The following CCND2 variants were observed in gnomAD, a reference collection of about 807,000 sequenced individuals.
CCND2 encodes the protein cyclin D2, also known as G1/S-specific cyclin-D2.
In CCND2, 6 loss-of-function variants were observed where a neutral mutation model predicts 30.2. The ratio of observed to expected loss-of-function variants is 0.20; its 90% CI spans 0.11 to 0.39. CCND2 has a LOEUF of 0.39. Ranked by LOEUF, CCND2 falls within the 10% of genes least tolerant of loss-of-function variation. CCND2 has a pLI of 1.00. For synonymous variants in CCND2, 150 were observed against 153.1 expected, an observed-to-expected ratio of 0.98 and a Z score of 0.15; for missense variants, 235 against 373.4, an observed-to-expected ratio of 0.63 and a Z score of 3.06.
rs2120557116 is a variant in CCND2, at chr12:4,287,668, A to T, written c.572-1174A>T. On this transcript the variant is annotated intron_variant, in intron 3 of 4. Transcript: ENST00000261254. This position sits in a 1 kb window ranked among gnomAD's most constrained non-coding sequence, Gnocchi z 4.0. ...CAAAAGTCTCAGGGTTCTCACCCAT[A>T]CCATTAGGGTGACGCTCGTGTGCAT... 6.6e-6 allele frequency among the ~76,000 whole-genome samples: 1 copy of T among 152,320 alleles called. No individual in the cohort carries two copies. The highest frequency in any genetic ancestry group is 2.1e-4 in the South Asian group (1 of 4,826).
rs1293589225 is a variant in CCND2 at position 4,287,058 on chromosome 12, G to A, written c.572-1784G>A. ...GACCTACAGCAGAGCAAGAGGCAGG[G>A]AGGCTGGCTTTGTCACACTGTTCAT... On this transcript the variant is annotated intron_variant, in intron 3 of 4. Coordinates refer to ENST00000261254, the MANE Select transcript of CCND2 (RefSeq NM_001759.4). The surrounding 1 kb of genome is among the most constrained non-coding windows in gnomAD (Gnocchi z 4.0). Among the ~76,000 whole-genome samples the A allele has an allele frequency of 6.6e-6, 1 of 152,252 alleles. No homozygotes were observed. Among genetic ancestry groups the A allele is most frequent in the Non-Finnish European group, 1.5e-5 (1 of 68,036 alleles).
Position 4,300,391 on chromosome 12 carries a change from C to G in CCND2, c.*382C>G, listed in dbSNP as rs1390104410. On this transcript the variant is annotated 3_prime_UTR_variant, in exon 5 of 5. Coordinates refer to ENST00000261254, the MANE Select transcript of CCND2 (RefSeq NM_001759.4). ...ATGTTATGAGCTAGCACATACACCC[C>G]CTTGTAGTATAATTTCAAGGAACTG... 2.8e-5 allele frequency: 7 copies of G among 246,628 alleles called. No individual in the cohort carries two copies. Among genetic ancestry groups the G allele is most frequent in the Non-Finnish European group, 4.8e-5 (6 of 125,980 alleles). 15.3% of individuals were successfully genotyped at this position (246,628 alleles called of 1,614,324 possible). A position where few individuals can be genotyped will look rare whatever the true frequency, so the allele number is the denominator to read the frequency against.
Position 4,285,264 on chromosome 12 carries a change from C to G in CCND2, c.572-3578C>G. On this transcript the variant is annotated intron_variant, in intron 3 of 4. Transcript: ENST00000261254. This position sits in a 1 kb window ranked among gnomAD's most constrained non-coding sequence, Gnocchi z 4.1. ...TCGCTGATCGGTTCATTGCCTCTCTCTCTGCTGCAGGAGGAAGGATCTCAG... is the reference window on the plus strand; with the variant it reads ...TCGCTGATCGGTTCATTGCCTCTCTGTCTGCTGCAGGAGGAAGGATCTCAG... 1 of 985,178 alleles carries G rather than the reference C, an allele frequency of 1.0e-6. No homozygotes were observed. The highest frequency in any genetic ancestry group is 1.2e-6 in the Non-Finnish European group (1 of 829,714). The allele number at this position is 985,178 out of a possible 1,614,324, so 61.0% of individuals were successfully genotyped here. A position where few individuals can be genotyped will look rare whatever the true frequency, so the allele number is the denominator to read the frequency against.
Position 4,303,221 on chromosome 12 carries a change from G to A in CCND2, c.*3212G>A, listed in dbSNP as rs371955525. The A allele has an allele frequency of 2.6e-5, 6 of 233,290 alleles. No homozygotes were observed. The East Asian group carries it at 3.6e-4, about 14-fold the overall frequency. 14.5% of individuals were successfully genotyped at this position (233,290 alleles called of 1,614,324 possible). On this transcript the variant is annotated 3_prime_UTR_variant, in exon 5 of 5. Transcript: ENST00000261254. This position sits in a 1 kb window ranked among gnomAD's most constrained non-coding sequence, Gnocchi z 4.6. Reference sequence around the variant, plus strand: ...CTAGCTTTTCTCTTTCCCATCCTTGGGGCCTTGTGTGATGATGGGTGTGGG... The same window carrying A: ...CTAGCTTTTCTCTTTCCCATCCTTGAGGCCTTGTGTGATGATGGGTGTGGG...
intron 4 of CCND2, among the ~76,000 whole-genome samples, chr12:4,291,259 T>C (rs1386117829): frequency 1.8e-5 from 2 of 114,000 alleles, no homozygotes; most frequent in Admixed American, 1.1e-4. Flanking sequence ...AAGTGCTAAA[T>C]CTCCTCCCAT....
chr12:4,280,033 A>C (rs891766251), intron 3 of CCND2, among the ~76,000 whole-genome samples: 2 of 151,454 alleles, frequency 1.3e-5, no homozygotes, highest in Admixed American at 1.3e-4. Flanking sequence ...GCTTTGCTGC[A>C]TATCAGTGAG....
chr12:4,295,725 C>T (rs3217900), intron 4 of CCND2, among the ~76,000 whole-genome samples: 75 of 152,220 alleles, frequency 4.9e-4, no homozygotes, highest in Non-Finnish European at 4.9e-4. Flanking sequence ...TGCAGTGAGC[C>T]GAGATCGCAC....
chr12:4,278,798 C>T lies in CCND2; in HGVS notation c.450C>T (p.Asn150=), dbSNP rs140100329. The change falls in exon 3 of 5, where the codon AAC becomes AAT. Residue 150 remains asparagine (N), a synonymous_variant. Coordinates refer to ENST00000261254, the MANE Select transcript of CCND2 (RefSeq NM_001759.4). ...ELVVLGKLKW[N]LAAVTPHDFI... is the part of the protein sequence containing the mutation. ...TGGTGCTGGGGAAGTTGAAGTGGAACCTGGCAGCTGTCACTCCTCATGACT... is the reference window on the plus strand; with the variant it reads ...TGGTGCTGGGGAAGTTGAAGTGGAATCTGGCAGCTGTCACTCCTCATGACT... The T allele has an allele frequency of 7.4e-5, 119 of 1,614,100 alleles. No individual in the cohort carries two copies. Among genetic ancestry groups the T allele is most frequent in the Non-Finnish European group, 9.2e-5 (109 of 1,180,032 alleles).
At position 4,282,396 on chromosome 12, in the gene CCND2, T is replaced by C. The variant is rs1191917548; in HGVS notation, c.571+3477T>C. On this transcript the variant is annotated intron_variant, in intron 3 of 4. Coordinates refer to ENST00000261254, the MANE Select transcript of CCND2 (RefSeq NM_001759.4). This position sits in a 1 kb window ranked among gnomAD's most constrained non-coding sequence, Gnocchi z 4.3. The stretch of plus-strand genomic sequence containing the variant: ...CATTGTTGACTAGAACCCATTGTGC[T>C]GTCCTAGCCCCTTCCCTGGCTTTAC... Among the ~76,000 whole-genome samples, 1 of 152,188 alleles carries C rather than the reference T, an allele frequency of 6.6e-6. No individual in the cohort carries two copies. Among genetic ancestry groups the C allele is most frequent in the Non-Finnish European group, 1.5e-5 (1 of 68,022 alleles).
rs1864275932 is a variant in CCND2, at chr12:4,303,280, T to C, written c.*3271T>C. On this transcript the variant is annotated 3_prime_UTR_variant, in exon 5 of 5. Coordinates refer to ENST00000261254, the MANE Select transcript of CCND2 (RefSeq NM_001759.4). This position sits in a 1 kb window ranked among gnomAD's most constrained non-coding sequence, Gnocchi z 4.6. ...TGGGAAAGTCGGGGGTTGTTAGGCT[T>C]TTCTGCCTGCTCCTGCTTAAACACA... The C allele has an allele frequency of 1.3e-5, 3 of 233,194 alleles. No individual in the cohort carries two copies. Among genetic ancestry groups the C allele is most frequent in the Non-Finnish European group, 2.5e-5 (3 of 118,122 alleles). The allele number at this position is 233,194 out of a possible 1,614,324, so 14.4% of individuals were successfully genotyped here.
chr12:4,278,388 CA>C, intron 2 of CCND2, among the ~76,000 whole-genome samples: 1 of 152,060 alleles, frequency 6.6e-6, no homozygotes, highest in Middle Eastern at 3.4e-3. Context: ...GAAAGGGCCA[CA>C]ATGACCTTGG....
In CCND2 at chr12:4,274,161, T is replaced by G. The variant is rs1215532509; in HGVS notation, c.121T>G (p.Cys41Gly). 3 of 1,613,940 alleles carry G rather than the reference T, an allele frequency of 1.9e-6. No homozygotes were observed. Among genetic ancestry groups the G allele is most frequent in the Non-Finnish European group, 2.5e-6 (3 of 1,179,976 alleles). Residue 41 changes from cysteine (C) to glycine (G), a missense_variant, in exon 1 of 5, where the codon TGC becomes GGC. Cys to Gly is a radical substitution (Grantham distance 159). Transcript: ENST00000261254. The surrounding 1 kb of genome is among the most constrained non-coding windows in gnomAD (Gnocchi z 7.7). ...LTIEERYLPQ[C>G]SYFKCVQKDI... ...CATCGAGGAGCGCTACCTTCCGCAGTGCTCCTACTTCAAGTGCGTGCAGAA... is the reference window on the plus strand; with the variant it reads ...CATCGAGGAGCGCTACCTTCCGCAGGGCTCCTACTTCAAGTGCGTGCAGAA...
intron 3 of CCND2, among the ~76,000 whole-genome samples, chr12:4,281,517 G>A (rs1232028248): frequency 1.3e-5 from 2 of 151,982 alleles, no homozygotes; most frequent in African/African-American, 2.4e-5. Flanking sequence ...GCCCTCACCT[G>A]CTCCTCAAAT....
intron 3 of CCND2, among the ~76,000 whole-genome samples, chr12:4,284,972 G>A (rs1368948710): frequency 6.6e-6 from 1 of 151,966 alleles, no homozygotes; most frequent in Non-Finnish European, 1.5e-5. Context: ...CGGACCTCAG[G>A]TCATCTGCCC....
In CCND2 at chr12:4,301,419, C is replaced by T; in HGVS notation, c.*1410C>T. 4.5e-6 allele frequency: 1 copy of T among 223,212 alleles called. No homozygotes were observed. The highest frequency in any genetic ancestry group is 2.4e-5 in the African/African-American group (1 of 42,446). The allele number at this position is 223,212 out of a possible 1,614,324, so 13.8% of individuals were successfully genotyped here. On this transcript the variant is annotated 3_prime_UTR_variant, in exon 5 of 5. Coordinates refer to ENST00000261254, the MANE Select transcript of CCND2 (RefSeq NM_001759.4). ...TTGTATTCAGCGTACTTGAATTTTTCTTCCTCTCCACTTCTTAGAGGCATT... is the reference window on the plus strand; with the variant it reads ...TTGTATTCAGCGTACTTGAATTTTTTTTCCTCTCCACTTCTTAGAGGCATT...
At chr12:4,296,661 C>G (rs1864173686) in intron 4 of CCND2, among the ~76,000 whole-genome samples, 2 of 151,050 alleles carry the variant, frequency 1.3e-5, no homozygotes, top group Admixed American at 1.3e-4. Context: ...GTCACTGCCT[C>G]TATGGTATGG....
chr12:4,281,495 A>G (rs1196354491), intron 3 of CCND2, among the ~76,000 whole-genome samples: 1 of 151,840 alleles, frequency 6.6e-6, no homozygotes, highest in Non-Finnish European at 1.5e-5. Context: ...AGATTCCCCA[A>G]CCCGAGCTGT....
In CCND2 at chr12:4,299,541, A is replaced by T. The variant is rs3217917; in HGVS notation, c.721-319A>T. Among the ~76,000 whole-genome samples, 717 of 152,250 alleles carry T rather than the reference A, an allele frequency of 4.7e-3. 4 individuals are homozygous for T. Among genetic ancestry groups the T allele is most frequent in the African/African-American group, 0.017 (701 of 41,548 alleles). ...GATTACCAGGCATCCATAAGTGACC[A>T]TCATTTAGGCCAGTGCTTCTCAGAA... On this transcript the variant is annotated intron_variant, in intron 4 of 4. Transcript: ENST00000261254. The surrounding 1 kb of genome is among the most constrained non-coding windows in gnomAD (Gnocchi z 5.2).
At chr12:4,283,623 G>A (rs1467922478) in intron 3 of CCND2, among the ~76,000 whole-genome samples, 11 of 152,308 alleles carry the variant, frequency 7.2e-5, no homozygotes, top group South Asian at 6.2e-4. Context: ...CATCACCGCC[G>A]TCATAAGCAA....
Sources: allele counts gnomAD v4.1 joint callset (sites outside exome capture counted in the v4.1 genomes callset), GRCh38; gene constraint gnomAD v4.1.1; non-coding constraint Gnocchi (gnomAD v3.1); transcripts MANE v1.5; gene names NCBI Gene and HGNC (gene_info 2026-07-23, HGNC 2026-07-21).